The following MMS22L variants were observed in gnomAD, a reference collection of about 807,000 sequenced individuals.
MMS22L encodes the protein protein MMS22-like.
MMS22L carries 74 observed loss-of-function variants against 159.1 expected under a neutral mutation model. The ratio of observed to expected loss-of-function variants is 0.47; its 90% CI spans 0.39 to 0.56. MMS22L has a LOEUF of 0.56. Among genes scored for constraint, MMS22L ranks in the 20% least tolerant of loss-of-function variants. MMS22L has a pLI of 0.00. For missense variants in MMS22L, 1,351 were observed against 1,422.1 expected, an observed-to-expected ratio of 0.95 and a Z score of 0.80; for synonymous variants, 517 against 506.9, an observed-to-expected ratio of 1.02 and a Z score of -0.27.
chr6:97,142,571 T>A lies in MMS22L; in HGVS notation c.*4235A>T, dbSNP rs922555991. 9.9e-5 allele frequency: 15 copies of A among 152,126 alleles called. No homozygotes were observed. The highest frequency in any genetic ancestry group is 3.6e-4 in the African/African-American group (15 of 41,442). The allele number at this position is 152,126 out of a possible 1,614,324, so 9.4% of individuals were successfully genotyped here. Reference sequence around the variant, plus strand: ...AAATAAAAGATTTATATAAAAAGTCTGGATAAAAAAGCAGTGGTTTAGTAC... The same window carrying A: ...AAATAAAAGATTTATATAAAAAGTCAGGATAAAAAAGCAGTGGTTTAGTAC... On this transcript the variant is annotated 3_prime_UTR_variant, in exon 25 of 25. Coordinates refer to ENST00000683635, the MANE Select transcript of MMS22L (RefSeq NM_001350599.2).
At chr6:97,263,497 T>C (rs773818979) in intron 8 of MMS22L, 49 bp from the exon 9 acceptor site, 2 of 885,070 alleles carry the variant, frequency 2.3e-6, no homozygotes, top group South Asian at 1.9e-5. Flanking sequence ...CAGCAGAATT[T>C]TAAATGCCAT....
intron 14 of MMS22L, among the ~76,000 whole-genome samples, chr6:97,225,656 T>C (rs1810163750): frequency 1.3e-5 from 2 of 150,996 alleles, no homozygotes; most frequent in East Asian, 3.9e-4. Context: ...CACTGCAAGC[T>C]CCGCCTCCCG....
rs1270469921 is a variant in MMS22L, at chr6:97,145,433, G to C, written c.*1373C>G. ...GAAATGTTTTCTTGAAGGAAGAGTA[G>C]AACCATGATAAAGACTATAATCCCA... On this transcript the variant is annotated 3_prime_UTR_variant, in exon 25 of 25. Transcript: ENST00000683635. The C allele has an allele frequency of 6.6e-6, 1 of 152,114 alleles. No individual in the cohort carries two copies. The highest frequency in any genetic ancestry group is 1.5e-5 in the Non-Finnish European group (1 of 68,006). The allele number at this position is 152,114 out of a possible 1,614,324, so 9.4% of individuals were successfully genotyped here. A position where few individuals can be genotyped will look rare whatever the true frequency, so the allele number is the denominator to read the frequency against.
intron 13 of MMS22L, among the ~76,000 whole-genome samples, chr6:97,230,035 G>T (rs1367780125): frequency 6.6e-6 from 1 of 152,136 alleles, no homozygotes; most frequent in African/African-American, 2.4e-5. Flanking sequence ...CATCAATTAA[G>T]GGGTTAGAAT....
At position 97,267,892 on chromosome 6, in the gene MMS22L, A is replaced by G. The variant is rs113390432; in HGVS notation, c.808T>C (p.Ser270Pro). 2.5e-6 allele frequency: 4 copies of G among 1,606,606 alleles called. No individual in the cohort carries two copies. Among genetic ancestry groups the G allele is most frequent in the Non-Finnish European group, 3.4e-6 (4 of 1,177,850 alleles). The change falls in exon 8 of 25, where the codon TCA becomes CCA. Residue 270 changes from serine (S) to proline (P), a missense_variant. Ser to Pro is a moderately conservative substitution (Grantham distance 74). Coordinates refer to ENST00000683635, the MANE Select transcript of MMS22L (RefSeq NM_001350599.2). ...ATTACCTTGTCGTACCTGTTGAGTG[A>G]CAGGCTTATTAAATCACAAAGGAGA... ...ETLLCDLISL[S>P]LNRYDKVRSS...
chr6:97,248,749 C>G (rs1447263572), intron 10 of MMS22L, among the ~76,000 whole-genome samples: 1 of 151,812 alleles, frequency 6.6e-6, no homozygotes, highest in African/African-American at 2.4e-5. Flanking sequence ...ATCTCAGCTA[C>G]TAGGGAGGTT....
intron 14 of MMS22L, among the ~76,000 whole-genome samples, chr6:97,222,171 A>T (rs1408340780): frequency 6.6e-6 from 1 of 152,104 alleles, no homozygotes; most frequent in Non-Finnish European, 1.5e-5. Context: ...TACCATACCA[A>T]TAAAACTACT....
intron 14 of MMS22L, among the ~76,000 whole-genome samples, chr6:97,217,016 T>A (rs1809087004): frequency 6.6e-6 from 1 of 152,202 alleles, no homozygotes; most frequent in African/African-American, 2.4e-5. Context: ...TTCTTCACTC[T>A]AGTTTCTGTT....
chr6:97,189,165 C>T (rs1805581034), intron 14 of MMS22L, among the ~76,000 whole-genome samples: 1 of 151,296 alleles, frequency 6.6e-6, no homozygotes, highest in African/African-American at 2.4e-5. Flanking sequence ...CAAATGTGAA[C>T]CACCTTTGAC....
At chr6:97,159,405 A>C (rs928200155) in intron 22 of MMS22L, among the ~76,000 whole-genome samples, 3 of 151,978 alleles carry the variant, frequency 2.0e-5, no homozygotes, top group African/African-American at 7.2e-5. Flanking sequence ...GAAATACAGA[A>C]ACATAAATCC....
chr6:97,220,079 C>T (rs1809469323), intron 14 of MMS22L, among the ~76,000 whole-genome samples: 1 of 152,142 alleles, frequency 6.6e-6, no homozygotes, highest in Non-Finnish European at 1.5e-5. Context: ...TTATTCAGTC[C>T]TCAGCTTCAG....
chr6:97,234,080 A>G, intron 11 of MMS22L, 100 bp from the exon 12 acceptor site: 1 of 1,295,114 alleles, frequency 7.7e-7, no homozygotes, highest in Non-Finnish European at 1.0e-6. Flanking sequence ...CTAAAAAGAA[A>G]ATAAATATGT....
At position 97,150,287 on chromosome 6, in the gene MMS22L, G is replaced by A. The variant is rs559045760; in HGVS notation, c.3483-267C>T. Among the ~76,000 whole-genome samples the A allele has an allele frequency of 7.3e-4, 111 of 152,096 alleles. 1 individual carries two copies. The highest frequency in any genetic ancestry group is 2.6e-3 in the African/African-American group (106 of 41,488). On this transcript the variant is annotated intron_variant, in intron 23 of 24. Transcript: ENST00000683635. ...TTGGAAGCTTGGGAGGGAGAAGAAG[G>A]GGTAAAAATCTAATCCCGGGACTTT...
At chr6:97,208,851 C>G (rs148415637) in intron 14 of MMS22L, among the ~76,000 whole-genome samples, 27 of 152,156 alleles carry the variant, frequency 1.8e-4, no homozygotes, top group African/African-American at 6.3e-4. Flanking sequence ...TCTACTGGAG[C>G]ATGTATCCTC....
rs768396312 is a variant in MMS22L at position 97,165,394 on chromosome 6, T to C, written c.3073A>G (p.Asn1025Asp). ...PNAYLNQLLGNVIEQYIGRFL... is the reference protein window; with the variant it reads ...PNAYLNQLLGDVIEQYIGRFL... ...CGCCCAATATACTGCTCAATAACAT[T>C]CCCTAGCAATTGATTCAAATAGGCA... Residue 1025 changes from asparagine (N) to aspartate (D), a missense_variant, in exon 21 of 25, where the codon AAT (asparagine) becomes GAT (aspartate). By Grantham distance (23) the Asn-to-Asp change is conservative. Coordinates refer to ENST00000683635, the MANE Select transcript of MMS22L (RefSeq NM_001350599.2). 5.5e-5 allele frequency: 89 copies of C among 1,613,080 alleles called. No individual in the cohort carries two copies. The highest frequency in any genetic ancestry group is 7.2e-5 in the Non-Finnish European group (85 of 1,179,564).
At chr6:97,228,862 A>G (rs1391655538) in intron 14 of MMS22L, 32 bp downstream of exon 14, 6 of 1,555,634 alleles carry the variant, frequency 3.9e-6, no homozygotes, top group Non-Finnish European at 5.2e-6. Flanking sequence ...TATAAAACAA[A>G]TCATAAATTA....
chr6:97,240,909 G>A (rs1014032859), intron 11 of MMS22L, among the ~76,000 whole-genome samples: 1 of 151,882 alleles, frequency 6.6e-6, no homozygotes, highest in Admixed American at 6.6e-5. Flanking sequence ...TTACAGGCGT[G>A]AGCCACCACA....
At chr6:97,218,234 T>C (rs182768059) in intron 14 of MMS22L, among the ~76,000 whole-genome samples, 7 of 152,270 alleles carry the variant, frequency 4.6e-5, no homozygotes, top group African/African-American at 7.2e-5. Flanking sequence ...CTTCTACCCA[T>C]GGGTACTTAG....
chr6:97,281,213 C>G (rs769310028), intron 3 of MMS22L, 24 bp downstream of exon 3: 2 of 1,592,106 alleles, frequency 1.3e-6, no homozygotes, highest in South Asian at 2.3e-5. Flanking sequence ...CCTACACTCA[C>G]AGAAAGTTAT....
Sources: gnomAD v4.1 joint callset for allele counts (sites outside exome capture counted in the v4.1 genomes callset) on GRCh38, gnomAD v4.1.1 for gene constraint, MANE v1.5 for transcripts, NCBI Gene and HGNC (gene_info 2026-07-23, HGNC 2026-07-21) for gene names.